Variants in NRP2 observed in about 807,000 individuals in gnomAD.
NRP2 encodes neuropilin-2.
NRP2 carries 52 observed loss-of-function variants against 110.4 expected under a neutral mutation model. The ratio of observed to expected loss-of-function variants is 0.47; its 90% confidence interval spans 0.38 to 0.59. The LOEUF is 0.59. Ranked by LOEUF, NRP2 falls within the 20% of genes least tolerant of loss-of-function variation. The pLI, the probability that NRP2 is intolerant of heterozygous loss-of-function variation, is 0.00. For missense variants in NRP2, 1,049 were observed against 1,203.0 expected (o/e 0.87, Z 1.89); for synonymous variants, 508 against 468.9 (o/e 1.08, Z -1.08).
At chr2:205,712,225 T>C (rs2056813125) in intron 2 of NRP2, among the ~76,000 whole-genome samples, 1 of 152,140 alleles carries the variant, frequency 6.6e-6, no homozygotes, top group African/African-American at 2.4e-5. Flanking sequence ...GGAGTAGAGA[T>C]GGCTACTTCA....
chr2:205,704,616 A>G (rs1056845044), intron 2 of NRP2, among the ~76,000 whole-genome samples: 2 of 152,160 alleles, frequency 1.3e-5, no homozygotes, highest in African/African-American at 2.4e-5. Context: ...GATCAGGGGG[A>G]AAAACAACTC....
rs2057043901 is a variant in NRP2, at chr2:205,722,643, C to T, written c.599C>T (p.Pro200Leu). Residue 200 changes from proline to leucine, a missense_variant, in exon 4 of 17, where the codon CCT becomes CTT. Transcript: ENST00000357785. ...CTGATCTTTGACCTGGAGCATGACC[C>T]TTTGCAGGTGGGAGAGGGGGACTGC... ...QFLIFDLEHDPLQVGEGDCKY... is the reference protein window; with the variant it reads ...QFLIFDLEHDLLQVGEGDCKY... 1.9e-6 allele frequency: 3 copies of T among 1,614,216 alleles called. No individual in the cohort carries two copies. Among genetic ancestry groups the T allele is most frequent in the Non-Finnish European group, 2.5e-6 (3 of 1,180,030 alleles).
At position 205,725,772 on chromosome 2, in the gene NRP2, T is replaced by A; in HGVS notation, c.821-141T>A. 1 of 842,004 alleles carries A rather than the reference T, an allele frequency of 1.2e-6. No individual in the cohort carries two copies. The highest frequency in any genetic ancestry group is 1.7e-5 in the African/African-American group (1 of 59,906). 52.2% of individuals were successfully genotyped at this position (842,004 alleles called of 1,614,324 possible). A position where few individuals can be genotyped will look rare whatever the true frequency, so the allele number is the denominator to read the frequency against. Reference sequence around the variant, plus strand: ...CTCCATGACTTGATGTAGTTGTTTTTAAAATGTGAGCATATAATTAGGGTC... The same window carrying A: ...CTCCATGACTTGATGTAGTTGTTTTAAAAATGTGAGCATATAATTAGGGTC... On this transcript the variant is annotated intron_variant, in intron 5 of 16. Transcript: ENST00000357785. This position sits in a 1 kb window ranked among gnomAD's most constrained non-coding sequence, Gnocchi z 4.1.
intron 1 of NRP2, among the ~76,000 whole-genome samples, chr2:205,696,686 C>T (rs544366397): frequency 1.6e-4 from 25 of 152,304 alleles, no homozygotes; most frequent in African/African-American, 5.8e-4. Context: ...AGGGAGCCAG[C>T]CCTTCCTGCA....
chr2:205,740,681 A>G lies in NRP2; in HGVS notation c.1291+18A>G. Reference sequence around the variant, plus strand: ...GGTCACAGGTGAGGTGGGGGCTCCAATGAGGTTGGGGTGCTGATTGAGCCC... The same window carrying G: ...GGTCACAGGTGAGGTGGGGGCTCCAGTGAGGTTGGGGTGCTGATTGAGCCC... On this transcript the variant is annotated intron_variant, in intron 8 of 16. Transcript: ENST00000357785. The G allele has an allele frequency of 1.2e-6, 2 of 1,613,718 alleles. No individual in the cohort carries two copies. Among genetic ancestry groups the G allele is most frequent in the Admixed American group, 1.7e-5 (1 of 60,010 alleles).
chr2:205,683,234 A>C lies in NRP2; in HGVS notation c.-57A>C, dbSNP rs974971969. ...AGGAAAATAAAAGAGAGAAAAACAC[A>C]AAGATTTAAACAAGAAACCTACGAA... is the stretch of plus-strand genomic sequence containing the variant. On this transcript the variant is annotated 5_prime_UTR_variant, in exon 1 of 17. Transcript: ENST00000357785. 3.1e-6 allele frequency: 4 copies of C among 1,283,530 alleles called. No individual in the cohort carries two copies. The African/African-American group carries it at 5.9e-5, about 19-fold the overall frequency. 79.5% of individuals were successfully genotyped at this position (1,283,530 alleles called of 1,614,324 possible). A position where few individuals can be genotyped will look rare whatever the true frequency, so the allele number is the denominator to read the frequency against.
chr2:205,721,426 T>C (rs1331590431), intron 3 of NRP2, among the ~76,000 whole-genome samples: 1 of 152,220 alleles, frequency 6.6e-6, no homozygotes, highest in Non-Finnish European at 1.5e-5. Context: ...TGCGTGAATG[T>C]GCATGAGCTC....
At chr2:205,695,757 C>G (rs1208259688) in intron 1 of NRP2, among the ~76,000 whole-genome samples, 1 of 152,154 alleles carries the variant, frequency 6.6e-6, no homozygotes, top group Non-Finnish European at 1.5e-5. Flanking sequence ...CTCAGAGGAC[C>G]ACTCCACCCT....
At chr2:205,709,387 G>A (rs1168688577) in intron 2 of NRP2, among the ~76,000 whole-genome samples, 2 of 152,100 alleles carry the variant, frequency 1.3e-5, no homozygotes, top group African/African-American at 4.8e-5. Context: ...AAATAGCCAG[G>A]GGCTCTCAGG....
intron 15 of NRP2, chr2:205,776,835 G>C: frequency 7.7e-7 from 1 of 1,293,528 alleles, no homozygotes; most frequent in African/African-American, 1.5e-5. Flanking sequence ...TTTTGTTCCA[G>C]AGACTGGTTC....
At chr2:205,755,142 A>T (rs1333432737) in intron 12 of NRP2, among the ~76,000 whole-genome samples, 3 of 152,084 alleles carry the variant, frequency 2.0e-5, no homozygotes, top group African/African-American at 4.8e-5. Flanking sequence ...CCTTCACCCG[A>T]AAGCCCCTAT....
Position 205,686,264 on chromosome 2 carries a change from G to A in NRP2, c.73+2901G>A, listed in dbSNP as rs956192653. Among the ~76,000 whole-genome samples the A allele has an allele frequency of 6.6e-6, 1 of 152,152 alleles. No homozygotes were observed. Among genetic ancestry groups the A allele is most frequent in the Admixed American group, 6.5e-5 (1 of 15,280 alleles). ...TAAGGACACCCCCAGGGAAAAGCCTGCGGCATTTCTTCAACGCTGCCCTAT... is the reference window on the plus strand; with the variant it reads ...TAAGGACACCCCCAGGGAAAAGCCTACGGCATTTCTTCAACGCTGCCCTAT... On this transcript the variant is annotated intron_variant, in intron 1 of 16. Transcript: ENST00000357785. This position sits in a 1 kb window ranked among gnomAD's most constrained non-coding sequence, Gnocchi z 4.7.
At chr2:205,751,068 GAGA>G (rs1481792683) in intron 11 of NRP2, among the ~76,000 whole-genome samples, 4 of 152,282 alleles carry the variant, frequency 2.6e-5, no homozygotes, top group Non-Finnish European at 5.9e-5. Context: ...GTTTTATGGA[GAGA>G]AGAAGGAGAC....
At chr2:205,724,041 A>G in intron 5 of NRP2, 101 bp downstream of exon 5, 1 of 1,328,518 alleles carries the variant, frequency 7.5e-7, no homozygotes, top group Non-Finnish European at 1.1e-6. Flanking sequence ...GGAGATGGGA[A>G]CTCTACGGAA....
At chr2:205,758,761 T>C (rs192057672) in intron 12 of NRP2, among the ~76,000 whole-genome samples, 67 of 152,324 alleles carry the variant, frequency 4.4e-4, no homozygotes, top group Non-Finnish European at 6.8e-4. Context: ...TTCCTTTCCA[T>C]TGTCTTTTTC....
intron 15 of NRP2, chr2:205,777,089 G>C (rs1266830765): frequency 4.7e-5 from 47 of 994,906 alleles, no homozygotes; most frequent in Non-Finnish European, 5.3e-5. Flanking sequence ...CATTTTACAA[G>C]AAAATAATAT....
intron 7 of NRP2, among the ~76,000 whole-genome samples, chr2:205,738,251 G>A (rs930309959): frequency 6.6e-5 from 10 of 152,226 alleles, no homozygotes; most frequent in Admixed American, 2.0e-4. Flanking sequence ...ACTCCTTAGC[G>A]TCTCCTGATG....
intron 16 of NRP2, 40 bp from the exon 17 acceptor site, chr2:205,794,714 G>C: frequency 6.2e-7 from 1 of 1,603,436 alleles, no homozygotes; most frequent in Non-Finnish European, 8.5e-7. Flanking sequence ...CCCTGACATA[G>C]GCAGTGCCTG....
intron 12 of NRP2, chr2:205,761,402 T>C (rs1350812622): frequency 1.3e-5 from 2 of 152,170 alleles, no homozygotes; most frequent in Non-Finnish European, 2.9e-5. Context: ...CCAGTTAAAT[T>C]ATAATGCCAG....
Sources: gnomAD v4.1 joint callset for allele counts (sites outside exome capture counted in the v4.1 genomes callset) on GRCh38, gnomAD v4.1.1 for gene constraint, Gnocchi (gnomAD v3.1) non-coding constraint, MANE v1.5 for transcripts, NCBI Gene and HGNC (gene_info 2026-07-23, HGNC 2026-07-21) for gene names.